Variants in TENM3 observed in about 807,000 individuals in gnomAD.
TENM3 encodes teneurin transmembrane protein 3.
A neutral mutation model predicts 255.1 loss-of-function variants in TENM3; 63 were observed. That is an observed-to-expected ratio of 0.25 (90% confidence interval 0.20 to 0.30). TENM3 has a LOEUF of 0.30. Ranked by LOEUF, TENM3 falls within the 10% of genes least tolerant of loss-of-function variation. TENM3 has a pLI of 1.00. For missense variants in TENM3, 2,929 were observed against 3,461.1 expected, an observed-to-expected ratio of 0.85 and a Z score of 3.86; for synonymous variants, 1,306 against 1,322.3, an observed-to-expected ratio of 0.99 and a Z score of 0.27.
At chr4:182,716,192 G>C (rs1759153196) in intron 13 of TENM3, among the ~76,000 whole-genome samples, 1 of 152,112 alleles carries the variant, frequency 6.6e-6, no homozygotes, top group South Asian at 2.1e-4. Context: ...TGATCATATA[G>C]TTCAGATTTT....
chr4:182,207,009 A>G (rs903768554), intron 1 of TENM3, among the ~76,000 whole-genome samples: 1 of 152,214 alleles, frequency 6.6e-6, no homozygotes, highest in Non-Finnish European at 1.5e-5. Flanking sequence ...ATCATCTGGC[A>G]AATGGTCTTG....
At chr4:181,582,111 C>T in the TENM3 span, among the ~76,000 whole-genome samples, 10 of 152,256 alleles carry the variant, frequency 6.6e-5, no homozygotes, top group African/African-American at 2.4e-4. Flanking sequence ...TGTTTGCTTT[C>T]GGGATAAAGT....
intron 1 of TENM3, among the ~76,000 whole-genome samples, chr4:182,205,634 T>A (rs1754504976): frequency 6.6e-6 from 1 of 152,290 alleles, no homozygotes; most frequent in South Asian, 2.1e-4. Flanking sequence ...TTGTCAAGCT[T>A]CACTTTCGCT....
intron 2 of TENM3, among the ~76,000 whole-genome samples, chr4:182,342,234 T>G (rs1014751839): frequency 2.6e-5 from 4 of 152,124 alleles, no homozygotes; most frequent in African/African-American, 9.7e-5. Flanking sequence ...TAGAGATAAC[T>G]CAAATGTCCA....
chr4:182,494,068 G>T (rs17073425), intron 3 of TENM3, among the ~76,000 whole-genome samples: 2,083 of 152,194 alleles, frequency 0.014, 42 homozygotes, highest in African/African-American at 0.048. Context: ...CTGATTTGCA[G>T]ATGGGTTTCG....
At chr4:182,122,987 GAAGTGGC>G in the TENM3 span, among the ~76,000 whole-genome samples, 49 of 152,288 alleles carry the variant, frequency 3.2e-4, no homozygotes, top group African/African-American at 1.1e-3. Context: ...CTATGTCATG[GAAGTGGC>G]TTCTTTCCTT....
chr4:182,441,246 C>G (rs1448793305), intron 3 of TENM3, among the ~76,000 whole-genome samples: 1 of 152,078 alleles, frequency 6.6e-6, no homozygotes, highest in East Asian at 1.9e-4. Flanking sequence ...CTTGAACTAT[C>G]AATGGTGCTA....
the TENM3 span, among the ~76,000 whole-genome samples, chr4:181,974,385 T>C: frequency 2.6e-5 from 4 of 152,108 alleles, no homozygotes; most frequent in African/African-American, 9.7e-5. Context: ...CTGACCAACA[T>C]GGTGAAACCC....
intron 3 of TENM3, among the ~76,000 whole-genome samples, chr4:182,416,509 T>G (rs1310513278): frequency 1.3e-5 from 2 of 152,228 alleles, no homozygotes. Flanking sequence ...AGCTGTCTCA[T>G]GATTGTTTTT....
intron 3 of TENM3, among the ~76,000 whole-genome samples, chr4:182,379,250 G>A (rs1158314303): frequency 2.6e-5 from 4 of 152,100 alleles, no homozygotes; most frequent in South Asian, 2.1e-4. Context: ...CCAGCTACTC[G>A]GGAGGCTGAG....
chr4:182,088,569 A>T, the TENM3 span, among the ~76,000 whole-genome samples: 195 of 152,212 alleles, frequency 1.3e-3, 1 homozygote, highest in African/African-American at 4.5e-3. Context: ...TAATTTTTTT[A>T]AAAAAGAGAG....
chr4:181,555,942 G>T, the TENM3 span, among the ~76,000 whole-genome samples: 18,926 of 152,218 alleles, frequency 0.12, 1,317 homozygotes, highest in Middle Eastern at 0.21. Flanking sequence ...GGGTATTGAT[G>T]AATAAATAAC....
At chr4:182,031,231 T>G in the TENM3 span, among the ~76,000 whole-genome samples, 3 of 152,204 alleles carry the variant, frequency 2.0e-5, no homozygotes, top group East Asian at 5.8e-4. Context: ...AATTTTTCTA[T>G]AAGGTGTAAG....
At chr4:182,615,465 A>C (rs1749415029) in intron 4 of TENM3, among the ~76,000 whole-genome samples, 1 of 152,042 alleles carries the variant, frequency 6.6e-6, no homozygotes. Context: ...AGGAAAGAGA[A>C]CCCCTTAGCC....
At chr4:181,577,744 A>T in the TENM3 span, among the ~76,000 whole-genome samples, 1 of 152,040 alleles carries the variant, frequency 6.6e-6, no homozygotes, top group Non-Finnish European at 1.5e-5. Context: ...GGGGTGAAGG[A>T]TTGTGACCAT....
chr4:182,145,700 C>T (rs560589177), intron 1 of TENM3, among the ~76,000 whole-genome samples: 118 of 152,256 alleles, frequency 7.8e-4, no homozygotes, highest in Non-Finnish European at 1.4e-3. Context: ...TTTCCAGGTA[C>T]GTGTGAGGAG....
chr4:181,483,406 A>G, the TENM3 span, among the ~76,000 whole-genome samples: 1 of 152,170 alleles, frequency 6.6e-6, no homozygotes, highest in Non-Finnish European at 1.5e-5. Context: ...AATCGTAGTC[A>G]TTCTGTGGAT....
At chr4:181,614,766 T>C in the TENM3 span, among the ~76,000 whole-genome samples, 3 of 152,250 alleles carry the variant, frequency 2.0e-5, no homozygotes, top group African/African-American at 7.2e-5. Context: ...ACCAGCTTTC[T>C]AGATGTCTGC....
the TENM3 span, among the ~76,000 whole-genome samples, chr4:182,057,642 C>A: frequency 1.1e-4 from 16 of 151,766 alleles, no homozygotes; most frequent in Admixed American, 4.6e-4. Flanking sequence ...CTCAAGTGAT[C>A]CCCCTGCCTT....
Sources: gnomAD v4.1 joint callset for allele counts (sites outside exome capture counted in the v4.1 genomes callset) on GRCh38, gnomAD v4.1.1 for gene constraint, MANE v1.5 for transcripts, NCBI Gene and HGNC (gene_info 2026-07-23, HGNC 2026-07-21) for gene names.